The following ARSB variants were observed in gnomAD, a reference collection of about 807,000 sequenced individuals.
ARSB encodes arylsulfatase B, also known as N-acetylgalactosamine-4-sulfatase.
In ARSB, 41 loss-of-function variants were observed where a neutral mutation model predicts 50.9. The ratio of observed to expected loss-of-function variants is 0.81; its 90% CI spans 0.63 to 1.04. ARSB has a LOEUF of 1.04. Ranked by LOEUF, ARSB falls within the 50% of genes least tolerant of loss-of-function variation. The pLI is 0.00. For synonymous variants in ARSB, 269 were observed against 284.8 expected (o/e 0.94, Z 0.56); for missense variants, 672 against 693.3 (o/e 0.97, Z 0.35).
chr5:78,799,172 A>T (rs893890622), intron 6 of ARSB, among the ~76,000 whole-genome samples: 3 of 152,238 alleles, frequency 2.0e-5, no homozygotes, highest in Non-Finnish European at 2.9e-5. Flanking sequence ...TTAGAATGAA[A>T]TATGAAGGAG....
upstream of ARSB, chr5:78,985,510 C>T: frequency 7.3e-6 from 2 of 274,258 alleles, no homozygotes; most frequent in African/African-American, 2.2e-5. Context: ...GCTTGGAGGG[C>T]ACCAAGGCCC....
At chr5:78,984,354 C>T (rs1753046403) in intron 1 of ARSB, among the ~76,000 whole-genome samples, 1 of 152,204 alleles carries the variant, frequency 6.6e-6, no homozygotes, top group South Asian at 2.1e-4. Flanking sequence ...AATGAAGATG[C>T]TCAGAAGAGT....
chr5:78,903,427 C>T (rs1227990508), intron 4 of ARSB, among the ~76,000 whole-genome samples: 1 of 152,210 alleles, frequency 6.6e-6, no homozygotes, highest in African/African-American at 2.4e-5. Flanking sequence ...TAAATACTTC[C>T]CTAATTATCA....
intron 4 of ARSB, among the ~76,000 whole-genome samples, chr5:78,907,524 T>C (rs1749117779): frequency 6.6e-6 from 1 of 152,198 alleles, no homozygotes; most frequent in Admixed American, 6.5e-5. Context: ...CTTGCATGCT[T>C]TAGCTGCGTT....
chr5:78,778,159 C>T lies in ARSB; in HGVS notation c.*2238G>A, dbSNP rs1307579840. On this transcript the variant is annotated 3_prime_UTR_variant, in exon 8 of 8. Coordinates refer to ENST00000264914, the MANE Select transcript of ARSB (RefSeq NM_000046.5). ...GATGGCCTCCAACGGCTACCTACAC[C>T]CAGCCCTGGGATTCGGAGGATGCAG... 1 of 152,146 alleles carries T rather than the reference C, an allele frequency of 6.6e-6. No individual in the cohort carries two copies. The highest frequency in any genetic ancestry group is 1.5e-5 in the Non-Finnish European group (1 of 68,022). The allele number at this position is 152,146 out of a possible 1,614,324, so 9.4% of individuals were successfully genotyped here.
rs143066279 is a variant in ARSB at position 78,786,908 on chromosome 5, A to G, written c.1214-4934T>C. Among the ~76,000 whole-genome samples the G allele has an allele frequency of 4.6e-4, 70 of 150,782 alleles. No individual in the cohort carries two copies. The East Asian group carries it at 0.011, about 24-fold the overall frequency. Reference sequence around the variant, plus strand: ...AGGCATGAGCCACCATACCCACCCAATTTCATCCTTTTGTATATAGATATC... The same window carrying G: ...AGGCATGAGCCACCATACCCACCCAGTTTCATCCTTTTGTATATAGATATC... On this transcript the variant is annotated intron_variant, in intron 6 of 7. Transcript: ENST00000264914.
chr5:78,800,919 C>G (rs1056634596), intron 6 of ARSB, among the ~76,000 whole-genome samples: 1 of 152,114 alleles, frequency 6.6e-6, no homozygotes, highest in Non-Finnish European at 1.5e-5. Context: ...GGAGGATGAG[C>G]AGGAACAGGA....
At chr5:78,831,648 T>G (rs1055514056) in intron 6 of ARSB, among the ~76,000 whole-genome samples, 2 of 152,160 alleles carry the variant, frequency 1.3e-5, no homozygotes, top group African/African-American at 2.4e-5. Context: ...TGAACAGCCC[T>G]GAGTTCCAGC....
intron 6 of ARSB, among the ~76,000 whole-genome samples, chr5:78,809,648 C>G (rs560292314): frequency 6.6e-5 from 10 of 152,372 alleles, no homozygotes; most frequent in Non-Finnish European, 1.2e-4. Context: ...AGCCTGCGGC[C>G]AGGCCTAACA....
intron 4 of ARSB, among the ~76,000 whole-genome samples, chr5:78,942,819 A>C (rs113767346): frequency 0.32 from 48,997 of 151,992 alleles, 8,141 homozygotes; most frequent in Middle Eastern, 0.38. Context: ...AGCTGAGTTC[A>C]ATTCCTGGAT....
chr5:78,787,126 CTATCTATCTATA>C (rs1354352270), intron 6 of ARSB, among the ~76,000 whole-genome samples: 101 of 151,612 alleles, frequency 6.7e-4, no homozygotes, highest in Non-Finnish European at 2.2e-4. Context: ...ATCTATCTAT[CTATCTATCTATA>C]TAGATACAGG....
chr5:78,845,099 G>A (rs1434953792), intron 5 of ARSB, among the ~76,000 whole-genome samples: 1 of 151,854 alleles, frequency 6.6e-6, no homozygotes, highest in South Asian at 2.1e-4. Flanking sequence ...TGAGATCAAC[G>A]TTTTTTAGCT....
chr5:78,927,712 T>C (rs575763355), intron 4 of ARSB, among the ~76,000 whole-genome samples: 1 of 152,112 alleles, frequency 6.6e-6, no homozygotes, highest in Non-Finnish European at 1.5e-5. Context: ...TCCTCAAAGC[T>C]GGGAAAAGGC....
At chr5:78,831,938 T>A (rs925708016) in intron 6 of ARSB, among the ~76,000 whole-genome samples, 1 of 152,196 alleles carries the variant, frequency 6.6e-6, no homozygotes, top group Admixed American at 6.5e-5. Context: ...ATTGTTCTCA[T>A]TAGACTGATT....
intron 4 of ARSB, among the ~76,000 whole-genome samples, chr5:78,893,629 T>C (rs1269165045): frequency 6.6e-6 from 1 of 152,248 alleles, no homozygotes; most frequent in African/African-American, 2.4e-5. Context: ...ATTTATTACA[T>C]ATTGGCAAGC....
intron 4 of ARSB, among the ~76,000 whole-genome samples, chr5:78,908,129 T>G (rs1185604363): frequency 6.6e-6 from 1 of 152,168 alleles, no homozygotes; most frequent in Non-Finnish European, 1.5e-5. Flanking sequence ...GAATGAGGTG[T>G]GCGCAGATGC....
chr5:78,850,306 A>G (rs1745700793), intron 5 of ARSB, among the ~76,000 whole-genome samples: 1 of 152,214 alleles, frequency 6.6e-6, no homozygotes, highest in Admixed American at 6.5e-5. Context: ...TTCTGCATCT[A>G]TTGAGATAAT....
chr5:78,947,425 C>G (rs561043243), intron 4 of ARSB, among the ~76,000 whole-genome samples: 50 of 152,080 alleles, frequency 3.3e-4, no homozygotes, highest in African/African-American at 9.4e-4. Flanking sequence ...ACTCAAACAA[C>G]TCTATGGGGA....
At chr5:78,808,309 TA>T (rs1462814352) in intron 6 of ARSB, among the ~76,000 whole-genome samples, 1 of 151,282 alleles carries the variant, frequency 6.6e-6, no homozygotes, top group Admixed American at 6.6e-5. Flanking sequence ...CATATATCCC[TA>T]AAAGACAAGG....
Sources: gnomAD v4.1 joint callset for allele counts (sites outside exome capture counted in the v4.1 genomes callset) on GRCh38, gnomAD v4.1.1 for gene constraint, MANE v1.5 for transcripts, NCBI Gene and HGNC (gene_info 2026-07-23, HGNC 2026-07-21) for gene names.